Variants in PLPBP observed in about 807,000 individuals in gnomAD.
PLPBP encodes the protein pyridoxal phosphate binding protein.
Under a neutral mutation model 31.2 loss-of-function variants are expected in PLPBP, and 21 were observed. That is an observed-to-expected ratio of 0.67 (90% CI 0.48 to 0.97). The LOEUF (loss-of-function observed/expected upper bound fraction) is 0.97, where lower values mean the gene tolerates loss of function less well. Ranked by LOEUF, PLPBP falls within the 50% of genes least tolerant of loss-of-function variation. PLPBP has a pLI of 0.00. For synonymous variants in PLPBP, 124 were observed against 135.6 expected (o/e 0.91, Z 0.59); for missense variants, 308 against 354.4 (o/e 0.87, Z 1.05).
In PLPBP at chr8:37,779,568, C is replaced by G. The variant is rs1804012156; in HGVS notation, c.*1464C>G. The G allele has an allele frequency of 6.6e-6, 1 of 152,404 alleles. No homozygotes were observed. The highest frequency in any genetic ancestry group is 2.4e-5 in the African/African-American group (1 of 41,376). 9.4% of individuals were successfully genotyped at this position (152,404 alleles called of 1,614,324 possible). A position where few individuals can be genotyped will look rare whatever the true frequency, so the allele number is the denominator to read the frequency against. ...GGCTTTTTCTCTTATTTTTTGAAGC[C>G]CCAGTCTTTGATTTTACAGGTAACT... On this transcript the variant is annotated 3_prime_UTR_variant, in exon 8 of 8. Coordinates refer to ENST00000328195, the MANE Select transcript of PLPBP (RefSeq NM_007198.4).
rs1021358058 is a variant in PLPBP, at chr8:37,775,987, A to G, written c.667A>G (p.Met223Val). ...NIPADQVELS[M>V]GMSADFQHAV... Reference sequence around the variant, plus strand: ...CCCTGCTGACCAGGTTGAGCTGAGCATGGGCATGTCCGCGGATTTCCAGCA... The same window carrying G: ...CCCTGCTGACCAGGTTGAGCTGAGCGTGGGCATGTCCGCGGATTTCCAGCA... The change falls in exon 7 of 8, where the codon ATG (methionine) becomes GTG (valine). Residue 223 changes from methionine (M) to valine (V), a missense_variant. Transcript: ENST00000328195. 1 of 1,613,826 alleles carries G rather than the reference A, an allele frequency of 6.2e-7. No individual in the cohort carries two copies. The highest frequency in any genetic ancestry group is 8.5e-7 in the Non-Finnish European group (1 of 1,179,930).
intron 4 of PLPBP, among the ~76,000 whole-genome samples, chr8:37,770,495 CTT>C (rs1012173365): frequency 3.9e-5 from 6 of 152,202 alleles, no homozygotes; most frequent in Admixed American, 3.9e-4. Context: ...AGATTAAAGA[CTT>C]AAATCTAAAT....
At position 37,766,265 on chromosome 8, in the gene PLPBP, C is replaced by A; in HGVS notation, c.244-15C>A. ...ATAAAATCTGAATTACACATGGTTA[C>A]CTTTTTCCCCTCAGATTCTGTCTTT... is the stretch of plus-strand genomic sequence containing the variant. On this transcript the variant is annotated splice_polypyrimidine_tract_variant and intron_variant, in intron 3 of 7. Coordinates refer to ENST00000328195, the MANE Select transcript of PLPBP (RefSeq NM_007198.4). 1 of 1,600,546 alleles carries A rather than the reference C, an allele frequency of 6.2e-7. No homozygotes were observed. The highest frequency in any genetic ancestry group is 8.5e-7 in the Non-Finnish European group (1 of 1,173,026).
chr8:37,771,171 C>T (rs953731873), intron 4 of PLPBP, among the ~76,000 whole-genome samples: 4 of 151,964 alleles, frequency 2.6e-5, no homozygotes, highest in African/African-American at 9.7e-5. Flanking sequence ...TAGTCTTGCT[C>T]TGTCACCCAG....
chr8:37,765,863 G>A, intron 3 of PLPBP, 117 bp downstream of exon 3: 1 of 1,086,486 alleles, frequency 9.2e-7, no homozygotes, highest in Non-Finnish European at 1.3e-6. Flanking sequence ...ACTTTAGATT[G>A]GGCCAGGGAT....
intron 3 of PLPBP, 88 bp downstream of exon 3, chr8:37,765,834 A>T (rs1803612918): frequency 2.1e-6 from 3 of 1,439,862 alleles, no homozygotes; most frequent in Admixed American, 4.1e-5. Flanking sequence ...TGAGTTGTAC[A>T]GCAGTTTTAG....
intron 1 of PLPBP, among the ~76,000 whole-genome samples, chr8:37,763,263 A>G (rs1480244268): frequency 6.6e-6 from 1 of 152,174 alleles, no homozygotes; most frequent in African/African-American, 2.4e-5. Flanking sequence ...GCACTTGTTT[A>G]TGGGGCAGGA....
chr8:37,777,018 A>G (rs1585942065), intron 7 of PLPBP, among the ~76,000 whole-genome samples: 2 of 152,246 alleles, frequency 1.3e-5, no homozygotes, highest in African/African-American at 4.8e-5. Context: ...CCACCCACCT[A>G]GGCCTCCCAA....
At chr8:37,763,778 C>T (rs1279745762) in intron 1 of PLPBP, among the ~76,000 whole-genome samples, 2 of 152,098 alleles carry the variant, frequency 1.3e-5, no homozygotes. Flanking sequence ...GGTTACGCAT[C>T]GCTGTGGAAG....
intron 4 of PLPBP, among the ~76,000 whole-genome samples, chr8:37,768,085 A>G (rs6468439): frequency 0.65 from 99,284 of 152,014 alleles, 33,625 homozygotes; most frequent in African/African-American, 0.82. Context: ...GATTGCAGGC[A>G]TGAGCCACCA....
At chr8:37,769,197 G>A (rs894767906) in intron 4 of PLPBP, among the ~76,000 whole-genome samples, 2 of 151,982 alleles carry the variant, frequency 1.3e-5, no homozygotes, top group Non-Finnish European at 2.9e-5. Flanking sequence ...TTAGCTGGGC[G>A]TAGTGGTGTG....
chr8:37,771,169 C>A (rs759689361), intron 4 of PLPBP, among the ~76,000 whole-genome samples: 62 of 151,984 alleles, frequency 4.1e-4, no homozygotes, highest in Admixed American at 1.0e-3. Context: ...TCTAGTCTTG[C>A]TCTGTCACCC....
intron 7 of PLPBP, among the ~76,000 whole-genome samples, chr8:37,777,650 C>G (rs1481242655): frequency 6.6e-6 from 1 of 152,112 alleles, no homozygotes; most frequent in Non-Finnish European, 1.5e-5. Flanking sequence ...CTCTGCTCAC[C>G]GCAACCTCCA....
chr8:37,762,625 C>G, upstream of PLPBP: 7 of 1,547,316 alleles, frequency 4.5e-6, no homozygotes, highest in Middle Eastern at 1.7e-4. Context: ...CCACGGGCTG[C>G]CGGGGGCCTG....
chr8:37,762,624 G>A (rs1276090425), upstream of PLPBP: 2 of 1,547,180 alleles, frequency 1.3e-6, no homozygotes, highest in East Asian at 2.4e-5. Context: ...GCCACGGGCT[G>A]CCGGGGGCCT....
chr8:37,772,797 A>C lies in PLPBP; in HGVS notation c.362A>C (p.Lys121Thr), dbSNP rs143124940. 1.2e-6 allele frequency: 2 copies of C among 1,614,092 alleles called. No individual in the cohort carries two copies. Among genetic ancestry groups the C allele is most frequent in the Non-Finnish European group, 1.7e-6 (2 of 1,180,040 alleles). ...LFMLETVDSV[K>T]LADKVNSSWQ... ...ATGCTGGAAACAGTGGATTCTGTGA[A>C]GTTGGCAGACAAAGTGAACAGTTCC... is the stretch of plus-strand genomic sequence containing the variant. Residue 121 changes from lysine to threonine, a missense_variant, in exon 5 of 8, where the codon AAG becomes ACG. By Grantham distance (78) the Lys-to-Thr change is moderately conservative. Around this residue, in one of 2 missense-constraint regions of PLPBP, gnomAD observed 188 missense variants for 259.3 expected, o/e 0.73. Transcript: ENST00000328195.
intron 7 of PLPBP, among the ~76,000 whole-genome samples, chr8:37,776,340 G>A (rs1585941184): frequency 6.6e-6 from 1 of 151,846 alleles, no homozygotes; most frequent in Non-Finnish European, 1.5e-5. Flanking sequence ...GCTGGGCGTG[G>A]TGGCGCACGC....
chr8:37,775,617 T>A (rs1803881930), intron 6 of PLPBP, 136 bp downstream of exon 6: 1 of 1,334,270 alleles, frequency 7.5e-7, no homozygotes, highest in Non-Finnish European at 1.0e-6. Context: ...TCTTTTGAAC[T>A]CTTCTCAGAA....
chr8:37,762,884 G>A (rs1164430453), intron 1 of PLPBP, 126 bp downstream of exon 1: 1 of 1,236,114 alleles, frequency 8.1e-7, no homozygotes, highest in Admixed American at 2.6e-5. Context: ...CGGCCGCCTA[G>A]GGCCACCGAA....
Sources: allele counts gnomAD v4.1 joint callset (sites outside exome capture counted in the v4.1 genomes callset), GRCh38; gene constraint gnomAD v4.1.1; regional missense constraint gnomAD v4.1.1; transcripts MANE v1.5; gene names NCBI Gene and HGNC (gene_info 2026-07-23, HGNC 2026-07-21).